The following ANKS1B variants were observed in gnomAD, a reference collection of about 807,000 sequenced individuals.
ANKS1B encodes the protein ankyrin repeat and sterile alpha motif domain-containing protein 1B.
In ANKS1B, 36 loss-of-function variants were observed where a neutral mutation model predicts 148.3. That is an observed-to-expected ratio of 0.24 (90% CI 0.19 to 0.32). ANKS1B has a LOEUF of 0.32. Among genes scored for constraint, ANKS1B ranks in the 10% least tolerant of loss-of-function variants. ANKS1B has a pLI of 1.00. For synonymous variants in ANKS1B, 542 were observed against 560.8 expected (o/e 0.97, Z 0.47); for missense variants, 1,157 against 1,542.6 (o/e 0.75, Z 4.19).
intron 10 of ANKS1B, among the ~76,000 whole-genome samples, chr12:99,485,345 C>T (rs2096473968): frequency 1.3e-5 from 2 of 152,030 alleles, no homozygotes; most frequent in Non-Finnish European, 1.5e-5. Flanking sequence ...GACCCCACAC[C>T]TCTCTGGCTT....
At chr12:98,848,906 T>G (rs533202713) in intron 17 of ANKS1B, among the ~76,000 whole-genome samples, 1 of 151,908 alleles carries the variant, frequency 6.6e-6, no homozygotes, top group South Asian at 2.1e-4. Context: ...CCCTGGCTAA[T>G]TTTTGTATTT....
In ANKS1B at chr12:99,021,994, A is replaced by G. The variant is rs529781074; in HGVS notation, c.2778+31163T>C. ...AGTGCATATGTTATGCAAATATCCA[A>G]CCTTCAATGTCCAATTTTGAAGTCT... On this transcript the variant is annotated intron_variant, in intron 17 of 26. Coordinates refer to ENST00000683438, the MANE Select transcript of ANKS1B (RefSeq NM_001352186.2). 1.2e-3 allele frequency among the ~76,000 whole-genome samples: 185 copies of G among 152,260 alleles called. 1 individual carries two copies. Among genetic ancestry groups the G allele is most frequent in the African/African-American group, 4.4e-3 (181 of 41,568 alleles).
intron 8 of ANKS1B, among the ~76,000 whole-genome samples, chr12:99,687,345 T>C (rs1191636795): frequency 6.6e-6 from 1 of 152,178 alleles, no homozygotes; most frequent in Non-Finnish European, 1.5e-5. Context: ...GCATACAGTT[T>C]ATTCAACTTA....
intron 9 of ANKS1B, among the ~76,000 whole-genome samples, chr12:99,577,092 A>G (rs2097526543): frequency 2.0e-5 from 3 of 151,932 alleles, no homozygotes; most frequent in African/African-American, 7.2e-5. Context: ...GGAGTTTAAA[A>G]AAGCAGCAGA....
chr12:99,894,753 C>A (rs1270319175), intron 1 of ANKS1B, among the ~76,000 whole-genome samples: 1 of 147,798 alleles, frequency 6.8e-6, no homozygotes, highest in East Asian at 2.0e-4. Context: ...TCATTATATC[C>A]AACAATTTAT....
At chr12:99,648,375 A>G in intron 9 of ANKS1B, 1 of 1,614,140 alleles carries the variant, frequency 6.2e-7, no homozygotes, top group South Asian at 1.1e-5. Context: ...ACCGTGCCCG[A>G]ATGGTAACAA....
intron 11 of ANKS1B, among the ~76,000 whole-genome samples, chr12:99,417,107 T>C (rs1460357825): frequency 6.6e-6 from 1 of 152,250 alleles, no homozygotes; most frequent in Non-Finnish European, 1.5e-5. Context: ...ATGGATTATG[T>C]CTTTGGTATC....
At chr12:99,220,986 C>T (rs1354949351) in intron 14 of ANKS1B, among the ~76,000 whole-genome samples, 4 of 152,060 alleles carry the variant, frequency 2.6e-5, no homozygotes, top group Non-Finnish European at 4.4e-5. Flanking sequence ...AATAATACAA[C>T]ATTTTGAAAC....
intron 10 of ANKS1B, among the ~76,000 whole-genome samples, chr12:99,463,620 G>T (rs548073702): frequency 6.6e-6 from 1 of 152,144 alleles, no homozygotes; most frequent in African/African-American, 2.4e-5. Flanking sequence ...CTTAAAAAAC[G>T]GTGCACCAGG....
chr12:99,002,764 A>G (rs1466513067), intron 17 of ANKS1B, among the ~76,000 whole-genome samples: 1 of 152,126 alleles, frequency 6.6e-6, no homozygotes, highest in Non-Finnish European at 1.5e-5. Flanking sequence ...CATAGTTTGC[A>G]AATGTTTTCT....
chr12:99,026,337 A>G (rs2099948742), intron 17 of ANKS1B, among the ~76,000 whole-genome samples: 1 of 152,158 alleles, frequency 6.6e-6, no homozygotes, highest in Non-Finnish European at 1.5e-5. Context: ...ACCTATGGGC[A>G]TATTAGTTCA....
At chr12:99,926,852 T>A (rs1200478191) in intron 1 of ANKS1B, among the ~76,000 whole-genome samples, 1 of 152,174 alleles carries the variant, frequency 6.6e-6, no homozygotes, top group South Asian at 2.1e-4. Context: ...GTGTTTACTA[T>A]CTTGTCTTCT....
At chr12:99,549,464 G>C (rs544973591) in intron 9 of ANKS1B, among the ~76,000 whole-genome samples, 2 of 152,304 alleles carry the variant, frequency 1.3e-5, no homozygotes, top group South Asian at 2.1e-4. Flanking sequence ...GTTATGCTAA[G>C]ATGAATTTAT....
chr12:98,809,173 C>T (rs1352489189), intron 19 of ANKS1B, among the ~76,000 whole-genome samples: 1 of 152,142 alleles, frequency 6.6e-6, no homozygotes, highest in Admixed American at 6.6e-5. Flanking sequence ...AAGGCACTTC[C>T]AAACACCTTT....
chr12:99,329,934 A>G (rs1366483263), intron 12 of ANKS1B, among the ~76,000 whole-genome samples: 1 of 151,898 alleles, frequency 6.6e-6, no homozygotes, highest in Non-Finnish European at 1.5e-5. Flanking sequence ...CACCCTCTTT[A>G]AAGTGCATTC....
At chr12:99,969,778 T>C (rs772104410) in intron 1 of ANKS1B, among the ~76,000 whole-genome samples, 7 of 152,204 alleles carry the variant, frequency 4.6e-5, no homozygotes, top group Non-Finnish European at 7.3e-5. Context: ...CCTATGGCAC[T>C]AGGAAGCAAT....
chr12:99,607,634 G>A (rs540185704), intron 9 of ANKS1B, among the ~76,000 whole-genome samples: 97 of 152,134 alleles, frequency 6.4e-4, no homozygotes, highest in African/African-American at 2.0e-3. Flanking sequence ...TGGATTTGGC[G>A]GGACACGTTA....
chr12:99,034,583 T>G (rs1165245430), intron 17 of ANKS1B, among the ~76,000 whole-genome samples: 2 of 152,196 alleles, frequency 1.3e-5, no homozygotes, highest in Non-Finnish European at 2.9e-5. Flanking sequence ...CCCAAAGTGC[T>G]GGGATTACAG....
chr12:99,841,224 T>C (rs1024172327), intron 1 of ANKS1B, among the ~76,000 whole-genome samples: 5 of 152,060 alleles, frequency 3.3e-5, no homozygotes, highest in South Asian at 2.1e-4. Flanking sequence ...ATCCTTTCTG[T>C]AGGAAAAGTT....
Sources: gnomAD v4.1 joint callset for allele counts (sites outside exome capture counted in the v4.1 genomes callset) on GRCh38, gnomAD v4.1.1 for gene constraint, MANE v1.5 for transcripts, NCBI Gene and HGNC (gene_info 2026-07-23, HGNC 2026-07-21) for gene names.